The following MAML3 variants were observed in gnomAD, a reference collection of about 807,000 sequenced individuals.
The protein encoded by MAML3 is mastermind like transcriptional coactivator 3.
Under a neutral mutation model 101.9 loss-of-function variants are expected in MAML3, and 27 were observed. The ratio of observed to expected loss-of-function variants is 0.27; its 90% CI spans 0.20 to 0.37. MAML3 has a LOEUF of 0.37. Among genes scored for constraint, MAML3 ranks in the 10% least tolerant of loss-of-function variants. The pLI is 1.00. For synonymous variants in MAML3, 501 were observed against 555.9 expected (o/e 0.90, Z 1.39); for missense variants, 1,316 against 1,444.9 (o/e 0.91, Z 1.45).
intron 2 of MAML3, among the ~76,000 whole-genome samples, chr4:139,848,773 T>C (rs767491746): frequency 1.8e-4 from 28 of 152,202 alleles, no homozygotes; most frequent in Non-Finnish European, 3.8e-4. Flanking sequence ...TAAGATTGTT[T>C]TCCCTCTAAG....
At chr4:140,062,007 C>G (rs959600264) in intron 1 of MAML3, among the ~76,000 whole-genome samples, 6 of 152,108 alleles carry the variant, frequency 3.9e-5, no homozygotes, top group African/African-American at 9.7e-5. Flanking sequence ...AACACAAATA[C>G]CTCCAAAAAA....
rs189734194 is a variant in MAML3, at chr4:139,862,431, C to T, written c.2079+26926G>A. ...TAACTGCCTCCCCAACTCCAAACTG[C>T]GTTTGACCATCCAGCTCACTGTCTC... is the stretch of plus-strand genomic sequence containing the variant. On this transcript the variant is annotated intron_variant, in intron 2 of 4. Coordinates refer to ENST00000509479, the MANE Select transcript of MAML3 (RefSeq NM_018717.5). 4.7e-3 allele frequency among the ~76,000 whole-genome samples: 714 copies of T among 152,296 alleles called. 1 individual carries two copies. Among genetic ancestry groups the T allele is most frequent in the Non-Finnish European group, 8.2e-3 (558 of 68,020 alleles).
intron 2 of MAML3, among the ~76,000 whole-genome samples, chr4:139,848,888 T>C (rs1731495289): frequency 6.6e-6 from 1 of 152,178 alleles, no homozygotes; most frequent in Admixed American, 6.5e-5. Context: ...AAATGTATTC[T>C]TTGGCCATGA....
chr4:139,941,388 A>G (rs1560843428), intron 1 of MAML3, among the ~76,000 whole-genome samples: 1 of 152,246 alleles, frequency 6.6e-6, no homozygotes, highest in Non-Finnish European at 1.5e-5. Flanking sequence ...AGTCATCAAC[A>G]TGCAGAGACA....
chr4:139,825,999 T>C (rs795988), intron 2 of MAML3, among the ~76,000 whole-genome samples: 65,499 of 151,972 alleles, frequency 0.43, 15,506 homozygotes, highest in East Asian at 0.63. Context: ...GTTTCGTGTT[T>C]CTTGTCGGCT....
intron 1 of MAML3, among the ~76,000 whole-genome samples, chr4:139,970,091 T>C (rs1734208424): frequency 1.3e-5 from 2 of 152,182 alleles, no homozygotes; most frequent in African/African-American, 2.4e-5. Flanking sequence ...ATTTGCCATC[T>C]AGTGAAAAAG....
intron 1 of MAML3, among the ~76,000 whole-genome samples, chr4:139,943,583 G>C (rs1415670040): frequency 6.6e-6 from 1 of 152,192 alleles, no homozygotes; most frequent in Admixed American, 6.5e-5. Context: ...CTGGATCCAA[G>C]TGATTGCATT....
intron 1 of MAML3, among the ~76,000 whole-genome samples, chr4:139,908,957 G>T (rs929787835): frequency 6.6e-6 from 1 of 152,182 alleles, no homozygotes; most frequent in African/African-American, 2.4e-5. Flanking sequence ...ACTATGAAGT[G>T]TCACAGAAAT....
At chr4:139,923,110 C>T (rs1431399534) in intron 1 of MAML3, among the ~76,000 whole-genome samples, 1 of 152,190 alleles carries the variant, frequency 6.6e-6, no homozygotes, top group African/African-American at 2.4e-5. Context: ...TAGACTAGCA[C>T]ATTTTGAGAG....
intron 1 of MAML3, among the ~76,000 whole-genome samples, chr4:139,917,118 A>G (rs905297863): frequency 2.0e-5 from 3 of 152,154 alleles, no homozygotes; most frequent in Non-Finnish European, 4.4e-5. Context: ...CTTTTCTCAG[A>G]TTCTCAGTGC....
intron 1 of MAML3, among the ~76,000 whole-genome samples, chr4:140,081,577 G>C (rs1727862432): frequency 6.6e-6 from 1 of 152,198 alleles, no homozygotes; most frequent in Non-Finnish European, 1.5e-5. Flanking sequence ...CTGAGCTAAG[G>C]GAGAAATAGA....
intron 1 of MAML3, among the ~76,000 whole-genome samples, chr4:140,103,637 C>T (rs1381819411): frequency 2.0e-5 from 3 of 152,168 alleles, no homozygotes; most frequent in East Asian, 1.9e-4. Context: ...TGAAGACAAA[C>T]TGAAGTATTG....
intron 1 of MAML3, among the ~76,000 whole-genome samples, chr4:140,060,296 G>T (rs1476351112): frequency 7.0e-6 from 1 of 142,446 alleles, no homozygotes; most frequent in African/African-American, 2.6e-5. Context: ...AACCCGGGAG[G>T]GGGAGGTTGC....
chr4:139,830,270 A>G (rs972864914), intron 2 of MAML3, among the ~76,000 whole-genome samples: 1 of 152,204 alleles, frequency 6.6e-6, no homozygotes, highest in African/African-American at 2.4e-5. Context: ...TTTCTCCCCA[A>G]AGATTCTCTA....
intron 1 of MAML3, among the ~76,000 whole-genome samples, chr4:140,006,248 T>C (rs1168571424): frequency 6.6e-6 from 1 of 152,030 alleles, no homozygotes; most frequent in Non-Finnish European, 1.5e-5. Flanking sequence ...GAGGGGTCCA[T>C]AGCACTCCCC....
chr4:139,815,798 A>C (rs1203806109), intron 2 of MAML3, among the ~76,000 whole-genome samples: 1 of 152,238 alleles, frequency 6.6e-6, no homozygotes, highest in Non-Finnish European at 1.5e-5. Context: ...GAGTTTCAGA[A>C]ATCAGATCCT....
intron 1 of MAML3, 133 bp downstream of exon 1, chr4:140,152,727 C>T (rs1221364877): frequency 3.7e-5 from 53 of 1,430,074 alleles, no homozygotes; most frequent in Middle Eastern, 2.6e-4. Context: ...TGACGTTAAC[C>T]CTTAGGCTTC....
In MAML3 at chr4:140,056,427, G is replaced by A. The variant is rs1157440645; in HGVS notation, c.468+96433C>T. 4.0e-5 allele frequency among the ~76,000 whole-genome samples: 6 copies of A among 150,464 alleles called. No individual in the cohort carries two copies. The South Asian group carries it at 6.3e-4, about 16-fold the overall frequency. On this transcript the variant is annotated intron_variant, in intron 1 of 4. Coordinates refer to ENST00000509479, the MANE Select transcript of MAML3 (RefSeq NM_018717.5). ...GGCTGGAGTGCAATGGCGCGATCTCGGCTCACCGCAATCTCTGCCTCCCAG... is the reference window on the plus strand; with the variant it reads ...GGCTGGAGTGCAATGGCGCGATCTCAGCTCACCGCAATCTCTGCCTCCCAG...
At chr4:139,797,575 T>C (rs1409712526) in intron 2 of MAML3, among the ~76,000 whole-genome samples, 1 of 152,100 alleles carries the variant, frequency 6.6e-6, no homozygotes, top group Non-Finnish European at 1.5e-5. Context: ...AGCCAGGGCA[T>C]CGCTGGCTGG....
Sources: gnomAD v4.1 joint callset for allele counts (sites outside exome capture counted in the v4.1 genomes callset) on GRCh38, gnomAD v4.1.1 for gene constraint, MANE v1.5 for transcripts, NCBI Gene and HGNC (gene_info 2026-07-23, HGNC 2026-07-21) for gene names.